Variants in TRMT9B observed in about 807,000 individuals in gnomAD.
TRMT9B encodes tRNA methyltransferase 9B (putative), also known as probable tRNA methyltransferase 9B.
TRMT9B carries 16 observed loss-of-function variants against 11.5 expected under a neutral mutation model. The ratio of observed to expected loss-of-function variants is 1.39; its 90% CI spans 0.94 to 2.11. The LOEUF (loss-of-function observed/expected upper bound fraction) is 2.11, where lower values mean the gene tolerates loss of function less well. Ranked by LOEUF, TRMT9B falls within the 30% of genes most tolerant of loss-of-function variation. The pLI is 0.00. For missense variants in TRMT9B, 941 were observed against 553.8 expected, an observed-to-expected ratio of 1.70 and a Z score of -7.02; for synonymous variants, 274 against 192.4, an observed-to-expected ratio of 1.42 and a Z score of -3.51.
chr8:12,985,162 C>T (rs908069330), intron 1 of TRMT9B, among the ~76,000 whole-genome samples: 15 of 152,150 alleles, frequency 9.9e-5, no homozygotes, highest in Middle Eastern at 3.2e-3. Context: ...CTAAGATAAA[C>T]GCCCCTCACG....
At chr8:12,969,611 A>AT (rs967080551) in intron 1 of TRMT9B, among the ~76,000 whole-genome samples, 5 of 151,952 alleles carry the variant, frequency 3.3e-5, no homozygotes, top group East Asian at 1.9e-4. Flanking sequence ...TATTTGTATT[A>AT]TTTTTTATTT....
chr8:12,975,060 T>C (rs1804231700), intron 1 of TRMT9B, among the ~76,000 whole-genome samples: 1 of 151,886 alleles, frequency 6.6e-6, no homozygotes, highest in Non-Finnish European at 1.5e-5. Context: ...AGTGTATTTT[T>C]ACACTAATGG....
chr8:13,018,168 G>C (rs1813121849), intron 4 of TRMT9B, among the ~76,000 whole-genome samples: 1 of 150,646 alleles, frequency 6.6e-6, no homozygotes. Context: ...TTGGGAGGCT[G>C]AGGCAGGAGG....
At chr8:13,017,553 G>T (rs1255145177) in intron 4 of TRMT9B, among the ~76,000 whole-genome samples, 1 of 150,138 alleles carries the variant, frequency 6.7e-6, no homozygotes, top group Non-Finnish European at 1.5e-5. Context: ...TTTCTTAATA[G>T]AACATGTATG....
At chr8:13,014,889 C>T (rs1022095379) in intron 4 of TRMT9B, among the ~76,000 whole-genome samples, 4 of 151,918 alleles carry the variant, frequency 2.6e-5, no homozygotes, top group South Asian at 2.1e-4. Flanking sequence ...GGTGAAACCC[C>T]GTCTCTACTA....
rs181428862 is a variant in TRMT9B at position 13,012,680 on chromosome 8, A to G, written c.155-4A>G. On this transcript the variant is annotated splice_region_variant and splice_polypyrimidine_tract_variant and intron_variant, in intron 3 of 4. Coordinates refer to ENST00000524591, the MANE Select transcript of TRMT9B (RefSeq NM_020844.3). The stretch of plus-strand genomic sequence containing the variant: ...AGCATGTAACGCAGGTTTTTCTCTT[A>G]TAGGTTGTGGGACTGGAAAATATCT... The G allele has an allele frequency of 1.8e-4, 283 of 1,610,560 alleles. No homozygotes were observed. In the East Asian group the frequency reaches 5.6e-3, roughly 32 times the overall value.
At chr8:12,981,222 G>C (rs538419992) in intron 1 of TRMT9B, among the ~76,000 whole-genome samples, 95 of 152,348 alleles carry the variant, frequency 6.2e-4, no homozygotes, top group Admixed American at 1.1e-3. Flanking sequence ...CACTGCAAGA[G>C]TTTCTCTCCA....
chr8:12,953,145 T>C (rs938389139), intron 1 of TRMT9B, among the ~76,000 whole-genome samples: 1 of 152,188 alleles, frequency 6.6e-6, no homozygotes, highest in Non-Finnish European at 1.5e-5. Flanking sequence ...AGCTTTATGT[T>C]AGGTGGTAGG....
chr8:12,948,091 A>T lies in TRMT9B; in HGVS notation c.-200+2125A>T, dbSNP rs545113893. On this transcript the variant is annotated intron_variant, in intron 1 of 4. Coordinates refer to ENST00000524591, the MANE Select transcript of TRMT9B (RefSeq NM_020844.3). ...ATGGGGGTTACATCCTAATAAACCCATTGTAAATGGAAAGTGTTGTAAAAT... is the reference window on the plus strand; with the variant it reads ...ATGGGGGTTACATCCTAATAAACCCTTTGTAAATGGAAAGTGTTGTAAAAT... Among the ~76,000 whole-genome samples the T allele has an allele frequency of 2.0e-5, 3 of 152,322 alleles. No homozygotes were observed. The East Asian group carries it at 5.8e-4, about 29-fold the overall frequency.
At chr8:12,999,919 C>A (rs566143840) in intron 2 of TRMT9B, among the ~76,000 whole-genome samples, 2 of 152,220 alleles carry the variant, frequency 1.3e-5, no homozygotes, top group African/African-American at 4.8e-5. Flanking sequence ...AGAAAGAAAA[C>A]TTTTAATCTT....
At chr8:12,955,458 G>C (rs1410780677) in intron 1 of TRMT9B, among the ~76,000 whole-genome samples, 1 of 151,928 alleles carries the variant, frequency 6.6e-6, no homozygotes, top group African/African-American at 2.4e-5. Flanking sequence ...TAGGGGTCCC[G>C]ATCATTATTT....
intron 4 of TRMT9B, among the ~76,000 whole-genome samples, chr8:13,013,650 C>G (rs1050245352): frequency 2.0e-5 from 3 of 152,144 alleles, no homozygotes; most frequent in African/African-American, 7.2e-5. Context: ...TCCCAATACA[C>G]TCTTAAAAAT....
At chr8:12,978,782 T>A (rs1804871171) in intron 1 of TRMT9B, among the ~76,000 whole-genome samples, 1 of 152,180 alleles carries the variant, frequency 6.6e-6, no homozygotes, top group Non-Finnish European at 1.5e-5. Context: ...ATGAGCAAGC[T>A]CCTAGAACTG....
chr8:13,001,816 T>C lies in TRMT9B; in HGVS notation c.-1-4386T>C, dbSNP rs118095171. The stretch of plus-strand genomic sequence containing the variant: ...TTTAAGTACTGACTTTTTATGTGGA[T>C]TATTTTATGGGTCTGGAATTTGACA... On this transcript the variant is annotated intron_variant, in intron 2 of 4. Coordinates refer to ENST00000524591, the MANE Select transcript of TRMT9B (RefSeq NM_020844.3). Among the ~76,000 whole-genome samples, 546 of 152,276 alleles carry C rather than the reference T, an allele frequency of 3.6e-3. 4 individuals are homozygous for C. The highest frequency in any genetic ancestry group is 7.0e-3 in the Admixed American group (107 of 15,294).
At chr8:12,995,516 A>C (rs185085488) in intron 2 of TRMT9B, among the ~76,000 whole-genome samples, 1 of 152,134 alleles carries the variant, frequency 6.6e-6, no homozygotes, top group Non-Finnish European at 1.5e-5. Flanking sequence ...GAACCGCATG[A>C]TAATCACTCA....
At chr8:12,963,405 C>G (rs1351053335) in intron 1 of TRMT9B, among the ~76,000 whole-genome samples, 1 of 152,112 alleles carries the variant, frequency 6.6e-6, no homozygotes, top group Non-Finnish European at 1.5e-5. Context: ...TGCACTCCAG[C>G]CTGGGAGACA....
At chr8:12,962,071 C>T (rs2460354) in intron 1 of TRMT9B, 6,365 of 152,336 alleles carry the variant, frequency 0.042, 183 homozygotes, top group African/African-American at 0.081. Context: ...GTTTCTCCAA[C>T]CTTCTACCAT....
Position 12,953,076 on chromosome 8 carries a change from A to G in TRMT9B, c.-200+7110A>G, listed in dbSNP as rs565274213. ...GTACTTGGGTTCTTTGTGATAAATGATGTGAGCCCACAATGCTCTATGTAG... is the reference window on the plus strand; with the variant it reads ...GTACTTGGGTTCTTTGTGATAAATGGTGTGAGCCCACAATGCTCTATGTAG... On this transcript the variant is annotated intron_variant, in intron 1 of 4. Coordinates refer to ENST00000524591, the MANE Select transcript of TRMT9B (RefSeq NM_020844.3). Among the ~76,000 whole-genome samples, 5 of 152,254 alleles carry G rather than the reference A, an allele frequency of 3.3e-5. No homozygotes were observed. In the South Asian group the frequency reaches 1.0e-3, roughly 32 times the overall value.
chr8:12,976,020 G>C (rs941264086), intron 1 of TRMT9B, among the ~76,000 whole-genome samples: 3 of 152,168 alleles, frequency 2.0e-5, no homozygotes, highest in Non-Finnish European at 2.9e-5. Flanking sequence ...GTGATCTTTG[G>C]ACTGATCAGG....
Sources: allele counts gnomAD v4.1 joint callset (sites outside exome capture counted in the v4.1 genomes callset), GRCh38; gene constraint gnomAD v4.1.1; transcripts MANE v1.5; gene names NCBI Gene and HGNC (gene_info 2026-07-23, HGNC 2026-07-21).